The following STRIP2 variants were observed in gnomAD, a reference collection of about 807,000 sequenced individuals.
STRIP2 encodes striatin-interacting protein 2.
Under a neutral mutation model 107.1 loss-of-function variants are expected in STRIP2, and 84 were observed. The observed-to-expected ratio is 0.78, with a 90% CI of 0.66 to 0.94. The LOEUF is 0.94. Among genes scored for constraint, STRIP2 ranks in the 40% least tolerant of loss-of-function variants. The pLI is 0.00. For synonymous variants in STRIP2, 394 were observed against 400.4 expected, an observed-to-expected ratio of 0.98 and a Z score of 0.19; for missense variants, 888 against 1,034.2, an observed-to-expected ratio of 0.86 and a Z score of 1.94.
chr7:129,454,065 TTG>T, intron 5 of STRIP2, 75 bp from the exon 6 acceptor site: 5 of 1,340,670 alleles, frequency 3.7e-6, no homozygotes, highest in South Asian at 2.4e-5. Flanking sequence ...GCACTCATAT[TTG>T]TGTGAGTGAT....
At position 129,434,491 on chromosome 7, in the gene STRIP2, C is replaced by A; in HGVS notation, c.19C>A (p.Pro7Thr). ...CAGCAGCATGGAGGACCCCGCCGCG[C>A]CTGGGACCGGGGGCCCGCCCGCAAA... MEDPAAPGTGGPPANGN... is the reference protein window; with the variant it reads MEDPAATGTGGPPANGN... Residue 7 changes from proline (P) to threonine (T), a missense_variant, in exon 1 of 21, where the codon CCT (proline) becomes ACT (threonine). Coordinates refer to ENST00000249344, the MANE Select transcript of STRIP2 (RefSeq NM_020704.3). The A allele has an allele frequency of 6.6e-7, 1 of 1,516,022 alleles. No individual in the cohort carries two copies. The allele number at this position is 1,516,022 out of a possible 1,614,324, so 93.9% of individuals were successfully genotyped here.
intron 18 of STRIP2, among the ~76,000 whole-genome samples, chr7:129,475,731 C>G (rs1389423791): frequency 2.0e-5 from 3 of 152,000 alleles, no homozygotes. Context: ...GTGTTTGTGT[C>G]CCTGGGTACT....
At chr7:129,456,284 T>G (rs557458091) in intron 8 of STRIP2, among the ~76,000 whole-genome samples, 155 bp from the exon 9 acceptor site, 1 of 152,158 alleles carries the variant, frequency 6.6e-6, no homozygotes, top group East Asian at 1.9e-4. Context: ...GTAATCATAT[T>G]TGCCTCTTTA....
In STRIP2 at chr7:129,483,946, G is replaced by T. The variant is rs1799187250; in HGVS notation, c.2254+900G>T. 6.6e-6 allele frequency among the ~76,000 whole-genome samples: 1 copy of T among 151,954 alleles called. No homozygotes were observed. The highest frequency in any genetic ancestry group is 6.6e-5 in the Admixed American group (1 of 15,234). On this transcript the variant is annotated intron_variant, in intron 20 of 20. Coordinates refer to ENST00000249344, the MANE Select transcript of STRIP2 (RefSeq NM_020704.3). The surrounding 1 kb of genome is among the most constrained non-coding windows in gnomAD (Gnocchi z 5.1). ...TTTTGTAGAGATGGAGTCTCTCCCT[G>T]TGTTGCCCAGGCTGGTCTTGAACTC...
At chr7:129,475,814 G>A (rs1798909678) in intron 18 of STRIP2, among the ~76,000 whole-genome samples, 1 of 152,096 alleles carries the variant, frequency 6.6e-6, no homozygotes, top group Non-Finnish European at 1.5e-5. Flanking sequence ...AGCACATCTT[G>A]CACCGCCCTT....
intron 6 of STRIP2, 81 bp from the exon 7 acceptor site, chr7:129,454,340 C>T (rs1798280262): frequency 4.1e-6 from 6 of 1,459,022 alleles, no homozygotes; most frequent in Non-Finnish European, 5.8e-6. Context: ...GTTGGGCTTC[C>T]CACAGAGACC....
In STRIP2 at chr7:129,461,464, AG is replaced by A. The variant is rs1022347778; in HGVS notation, c.1476+1099del. On this transcript the variant is annotated intron_variant, in intron 13 of 20. Coordinates refer to ENST00000249344, the MANE Select transcript of STRIP2 (RefSeq NM_020704.3). The surrounding 1 kb of genome is among the most constrained non-coding windows in gnomAD (Gnocchi z 4.0). ...AGCCCTGGGGCACACCAGTATGTTGAGGGGGGGATGTGTCAGGAAAGGAGCC... is the reference window on the plus strand; with the variant it reads ...AGCCCTGGGGCACACCAGTATGTTGAGGGGGGATGTGTCAGGAAAGGAGCC... Among the ~76,000 whole-genome samples, 16 of 152,272 alleles carry A rather than the reference AG, an allele frequency of 1.1e-4. No homozygotes were observed. The highest frequency in any genetic ancestry group is 3.9e-4 in the African/African-American group (16 of 41,558).
chr7:129,454,018 C>T, intron 5 of STRIP2, 124 bp from the exon 6 acceptor site: 1 of 803,640 alleles, frequency 1.2e-6, no homozygotes, highest in Non-Finnish European at 2.0e-6. Flanking sequence ...TACTCTAGAC[C>T]AGTTTCATTA....
At chr7:129,450,415 G>A (rs1384671219) in intron 3 of STRIP2, among the ~76,000 whole-genome samples, 1 of 152,172 alleles carries the variant, frequency 6.6e-6, no homozygotes, top group Non-Finnish European at 1.5e-5. Flanking sequence ...CTGCCTGATA[G>A]AACCCTTGAC....
At position 129,444,091 on chromosome 7, in the gene STRIP2, G is replaced by T; in HGVS notation, c.267G>T (p.Lys89Asn). 1 of 1,612,104 alleles carries T rather than the reference G, an allele frequency of 6.2e-7. No homozygotes were observed. Among genetic ancestry groups the T allele is most frequent in the South Asian group, 1.1e-5 (1 of 90,992 alleles). ...NNRRCFEEDF[K>N]TQVQGKEWLE... ...GGAGGTGCTTTGAAGAAGATTTCAA[G>T]ACTCAAGGTAATTCCAGATCTTTAC... is the stretch of plus-strand genomic sequence containing the variant. The change falls in exon 3 of 21, where the codon AAG becomes AAT. Residue 89 changes from lysine (K) to asparagine (N), a missense_variant. Physicochemically the swap from Lys to Asn is moderately conservative, Grantham distance 94. Transcript: ENST00000249344.
intron 18 of STRIP2, chr7:129,477,858 G>A (rs547986841): frequency 4.5e-6 from 2 of 439,792 alleles, no homozygotes; most frequent in African/African-American, 2.1e-5. Context: ...AGGCATCTGT[G>A]AGCCCATGTA....
At chr7:129,466,835 G>A (rs2151009310) in intron 16 of STRIP2, among the ~76,000 whole-genome samples, 1 of 152,220 alleles carries the variant, frequency 6.6e-6, no homozygotes, top group Admixed American at 6.5e-5. Context: ...TATACTTACT[G>A]ATATTCTAAA....
chr7:129,454,505 GGA>G lies in STRIP2; in HGVS notation c.687_688del (p.Glu229AspfsTer5). 1 of 1,613,686 alleles carries G rather than the reference GGA, an allele frequency of 6.2e-7. No homozygotes were observed. The highest frequency in any genetic ancestry group is 8.5e-7 in the Non-Finnish European group (1 of 1,179,566). On this transcript the variant is annotated frameshift_variant, in exon 7 of 21. Transcript: ENST00000249344. LOFTEE classifies it high-confidence loss of function. ...TDPCGWRTAR[E>X]TFRTELSFSM... Reference sequence around the variant, plus strand: ...ACCCCTGTGGGTGGAGAACAGCCCGGGAGACCTTCCGCACTGAATTAAGTAAG... The same window carrying G: ...ACCCCTGTGGGTGGAGAACAGCCCGGGACCTTCCGCACTGAATTAAGTAAG...
intron 13 of STRIP2, among the ~76,000 whole-genome samples, chr7:129,460,747 CAGAG>C (rs1329306798): frequency 3.3e-5 from 5 of 152,156 alleles, no homozygotes; most frequent in Non-Finnish European, 7.3e-5. Context: ...GCATTCCAAA[CAGAG>C]AGAACAGCCT....
rs548425475 is a variant in STRIP2, at chr7:129,453,020, A to G, written c.410-207A>G. Reference sequence around the variant, plus strand: ...GAACTCACCCTTAAGACGATAGGCCATTGATGAGCACATTGGACCTAACCC... The same window carrying G: ...GAACTCACCCTTAAGACGATAGGCCGTTGATGAGCACATTGGACCTAACCC... On this transcript the variant is annotated intron_variant, in intron 4 of 20. Coordinates refer to ENST00000249344, the MANE Select transcript of STRIP2 (RefSeq NM_020704.3). Among the ~76,000 whole-genome samples, 14 of 152,284 alleles carry G rather than the reference A, an allele frequency of 9.2e-5. No homozygotes were observed. The South Asian group carries it at 2.9e-3, about 32-fold the overall frequency.
Position 129,454,334 on chromosome 7 carries a change from G to A in STRIP2, c.600-87G>A, listed in dbSNP as rs1403433575. ...CCCTGTAGCTAATCTCACTGGGTTG[G>A]GCTTCCCACAGAGACCATCTCTGAG... is the stretch of plus-strand genomic sequence containing the variant. On this transcript the variant is annotated intron_variant, in intron 6 of 20. Transcript: ENST00000249344. 6 of 1,458,292 alleles carry A rather than the reference G, an allele frequency of 4.1e-6. No individual in the cohort carries two copies. In the Admixed American group the frequency reaches 1.0e-4, roughly 25 times the overall value. 90.3% of individuals were successfully genotyped at this position (1,458,292 alleles called of 1,614,324 possible).
At chr7:129,472,804 T>TTG (rs1562914059) in intron 18 of STRIP2, among the ~76,000 whole-genome samples, 1 of 136,698 alleles carries the variant, frequency 7.3e-6, no homozygotes, top group Non-Finnish European at 1.6e-5. Context: ...TTTTTTTTTT[T>TTG]GAGACAGAGT....
Position 129,483,313 on chromosome 7 carries a change from T to A in STRIP2, c.2254+267T>A. 1 of 1,184,946 alleles carries A rather than the reference T, an allele frequency of 8.4e-7. No homozygotes were observed. Among genetic ancestry groups the A allele is most frequent in the Non-Finnish European group, 1.1e-6 (1 of 949,776 alleles). 73.4% of individuals were successfully genotyped at this position (1,184,946 alleles called of 1,614,324 possible). A position where few individuals can be genotyped will look rare whatever the true frequency, so the allele number is the denominator to read the frequency against. ...TAATTGCCTTTCCAAAACATTCTTT[T>A]AAATGACAGCTTTCTCCAAAAGATT... On this transcript the variant is annotated intron_variant, in intron 20 of 20. Coordinates refer to ENST00000249344, the MANE Select transcript of STRIP2 (RefSeq NM_020704.3). This position sits in a 1 kb window ranked among gnomAD's most constrained non-coding sequence, Gnocchi z 5.1.
intron 3 of STRIP2, among the ~76,000 whole-genome samples, chr7:129,446,792 G>A (rs1266499614): frequency 2.6e-5 from 4 of 152,242 alleles, no homozygotes; most frequent in African/African-American, 2.4e-5. Flanking sequence ...GCTTGAGCCC[G>A]ATCACGTATA....
Sources: allele counts gnomAD v4.1 joint callset (sites outside exome capture counted in the v4.1 genomes callset), GRCh38; gene constraint gnomAD v4.1.1; non-coding constraint Gnocchi (gnomAD v3.1); transcripts MANE v1.5; gene names NCBI Gene and HGNC (gene_info 2026-07-23, HGNC 2026-07-21).